Variants in NLGN3 observed in about 807,000 individuals in gnomAD.
NLGN3 encodes the protein neuroligin-3.
NLGN3 carries 11 observed loss-of-function variants against 42.9 expected under a neutral mutation model. The observed-to-expected ratio is 0.26, with a 90% CI of 0.16 to 0.42. The LOEUF is 0.42. Ranked by LOEUF, NLGN3 falls within the 10% of genes least tolerant of loss-of-function variation. The pLI is 1.00. For missense variants in NLGN3, 374 were observed against 733.8 expected, an observed-to-expected ratio of 0.51 and a Z score of 5.67; for synonymous variants, 279 against 312.7, an observed-to-expected ratio of 0.89 and a Z score of 1.14.
In NLGN3 at chrX:71,170,133, T is replaced by C. The variant is rs2092466191; in HGVS notation, c.*36T>C. On this transcript the variant is annotated 3_prime_UTR_variant, in exon 8 of 8. Coordinates refer to ENST00000358741, the MANE Select transcript of NLGN3 (RefSeq NM_181303.2). ...GAGCACAGCCAATCTCCAGGCTCCC[T>C]CCCTCCCAGATCCAGGAACACATGC... 8.3e-7 allele frequency: 1 copy of C among 1,199,494 alleles called. No individual in the cohort carries two copies. The highest frequency in any genetic ancestry group is 2.2e-5 in the Admixed American group (1 of 44,767).
chrX:71,164,875 G>A lies in NLGN3; in HGVS notation c.913+547G>A, dbSNP rs1209697744. ...TCAGACTCCAGACCTCTCCCCGACT[G>A]TGCAAGCTGCCGGGGAGATTCTCAT... On this transcript the variant is annotated intron_variant, in intron 6 of 7. Transcript: ENST00000358741. Among the ~76,000 whole-genome samples, 4 of 110,906 alleles carry A rather than the reference G, an allele frequency of 3.6e-5. No homozygotes were observed. The East Asian group carries it at 1.1e-3, about 32-fold the overall frequency.
At chrX:71,154,947 C>G (rs2092403399) in intron 4 of NLGN3, among the ~76,000 whole-genome samples, 1 of 112,754 alleles carries the variant, frequency 8.9e-6, no homozygotes, top group Admixed American at 9.3e-5. Flanking sequence ...CCATGGCCCA[C>G]TGAGGCCTGG....
chrX:71,163,543 T>C (rs1200209806), intron 5 of NLGN3, among the ~76,000 whole-genome samples: 1 of 111,942 alleles, frequency 8.9e-6, no homozygotes, highest in Admixed American at 9.4e-5. Context: ...TCATCTACAC[T>C]TCCTTTGGAG....
In NLGN3 at chrX:71,155,369, G is replaced by T; in HGVS notation, c.727+6G>T. ...CTATCGGGTTGGAGTGCTAGGTATG[G>T]TTCCCTGCCTGGTGCCTGGAAGGAA... On this transcript the variant is annotated splice_donor_region_variant and intron_variant, in intron 5 of 7. Coordinates refer to ENST00000358741, the MANE Select transcript of NLGN3 (RefSeq NM_181303.2). The T allele has an allele frequency of 8.3e-7, 1 of 1,211,995 alleles. No homozygotes were observed. Among genetic ancestry groups the T allele is most frequent in the Non-Finnish European group, 1.1e-6 (1 of 895,329 alleles).
At chrX:71,166,319 G>A (rs2092446910) in intron 6 of NLGN3, among the ~76,000 whole-genome samples, 1 of 110,520 alleles carries the variant, frequency 9.0e-6, no homozygotes, top group Admixed American at 9.6e-5. Flanking sequence ...AGCCGGGCGT[G>A]GTGGCGGGTG....
intron 1 of NLGN3, among the ~76,000 whole-genome samples, chrX:71,145,334 G>A (rs1453901603): frequency 1.5e-4 from 12 of 80,866 alleles, no homozygotes; most frequent in Non-Finnish European, 2.6e-4. Context: ...TCATAGCCAG[G>A]CTCCCTCCCC....
At chrX:71,160,176 C>G (rs1164678653) in intron 5 of NLGN3, among the ~76,000 whole-genome samples, 1 of 106,767 alleles carries the variant, frequency 9.4e-6, no homozygotes, top group African/African-American at 3.4e-5. Flanking sequence ...ACCCATCAGG[C>G]GGTTCACTCT....
chrX:71,154,333 G>A (rs2092400982), intron 4 of NLGN3, among the ~76,000 whole-genome samples: 1 of 113,267 alleles, frequency 8.8e-6, no homozygotes, highest in African/African-American at 3.2e-5. Flanking sequence ...TGATGGGTAG[G>A]GCTGTGCTGG....
chrX:71,155,968 G>C (rs138183522), intron 5 of NLGN3, among the ~76,000 whole-genome samples: 12 of 109,662 alleles, frequency 1.1e-4, no homozygotes, highest in African/African-American at 3.3e-4. Context: ...ATACCCACAC[G>C]GTCTGTGTAC....
chrX:71,168,821 A>AAAAAGAAAGAAAGAAAG, intron 7 of NLGN3, among the ~76,000 whole-genome samples: 1 of 69,352 alleles, frequency 1.4e-5, no homozygotes. Flanking sequence ...AGAGAAAAAA[A>AAAAAGAAAGAAAGAAAG]AAAGAAAGAA....
At chrX:71,150,495 A>C (rs1032742876) in intron 3 of NLGN3, among the ~76,000 whole-genome samples, 2 of 110,828 alleles carry the variant, frequency 1.8e-5, no homozygotes, top group African/African-American at 6.6e-5. Flanking sequence ...AGGTCAGGAG[A>C]TCGAGACCAT....
At chrX:71,155,133 C>T in intron 4 of NLGN3, 81 bp from the exon 5 acceptor site, 1 of 1,128,854 alleles carries the variant, frequency 8.9e-7, no homozygotes, top group Non-Finnish European at 1.2e-6. Context: ...GCTTTGCTGC[C>T]CGCACCCACC....
intron 5 of NLGN3, among the ~76,000 whole-genome samples, chrX:71,163,746 G>A: frequency 8.9e-6 from 1 of 112,203 alleles, no homozygotes; most frequent in Non-Finnish European, 1.9e-5. Flanking sequence ...GATAGAGCCA[G>A]GATTCAAATC....
rs1000398551 is a variant in NLGN3 at position 71,164,418 on chromosome X, G to A, written c.913+90G>A. 15 of 927,960 alleles carry A rather than the reference G, an allele frequency of 1.6e-5. No individual in the cohort carries two copies. In the South Asian group the frequency reaches 2.3e-4, roughly 15 times the overall value. The allele number at this position is 927,960 out of a possible 1,213,427, so 76.5% of individuals were successfully genotyped here. A position where few individuals can be genotyped will look rare whatever the true frequency, so the allele number is the denominator to read the frequency against. On this transcript the variant is annotated intron_variant, in intron 6 of 7. Transcript: ENST00000358741. The stretch of plus-strand genomic sequence containing the variant: ...ATGCCCCAGGGCATCCAAGGGAATC[G>A]GCCAGCTCTCTTCTACCAGCTTGGT...
intron 4 of NLGN3, 112 bp downstream of exon 4, chrX:71,153,648 T>C: frequency 1.3e-6 from 1 of 748,169 alleles, no homozygotes; most frequent in Non-Finnish European, 2.0e-6. Flanking sequence ...GTGTTTCTGT[T>C]CCTGTACAAG....
At chrX:71,153,298 G>A (rs2092397232) in intron 3 of NLGN3, among the ~76,000 whole-genome samples, 179 bp from the exon 4 acceptor site, 1 of 113,110 alleles carries the variant, frequency 8.8e-6, no homozygotes, top group South Asian at 3.6e-4. Context: ...CCATCATCCT[G>A]ATGAAGGTCT....
intron 5 of NLGN3, among the ~76,000 whole-genome samples, chrX:71,159,253 G>A (rs985281979): frequency 1.8e-5 from 2 of 110,098 alleles, no homozygotes; most frequent in Non-Finnish European, 3.8e-5. Flanking sequence ...CCTGGGAGGC[G>A]GAAGTTGCAA....
intron 6 of NLGN3, among the ~76,000 whole-genome samples, chrX:71,165,114 C>CT (rs1329579778): frequency 8.9e-6 from 1 of 111,833 alleles, no homozygotes; most frequent in Non-Finnish European, 1.9e-5. Context: ...AGCGAGGATG[C>CT]TTTTTTTCTT....
chrX:71,158,711 C>T (rs191444947), intron 5 of NLGN3, among the ~76,000 whole-genome samples: 3 of 111,157 alleles, frequency 2.7e-5, no homozygotes, highest in Non-Finnish European at 5.7e-5. Flanking sequence ...GGAGAGGAAG[C>T]AGAGAGGAGA....
Sources: gnomAD v4.1 joint callset for allele counts (sites outside exome capture counted in the v4.1 genomes callset) on GRCh38, gnomAD v4.1.1 for gene constraint, MANE v1.5 for transcripts, NCBI Gene and HGNC (gene_info 2026-07-23, HGNC 2026-07-21) for gene names.